POFUT3: variants seen among roughly 807,000 people sequenced by gnomAD.
POFUT3 encodes GDP-fucose protein O-fucosyltransferase 3.
the POFUT3 span, among the ~76,000 whole-genome samples, chr8:33,333,335 G>A: frequency 6.6e-6 from 1 of 152,206 alleles, no homozygotes; most frequent in African/African-American, 2.4e-5. Context: ...AAGGAGGTCA[G>A]ACCATGTAGT....
the POFUT3 span, among the ~76,000 whole-genome samples, chr8:33,386,188 CAAAAA>C: frequency 0.015 from 477 of 32,030 alleles, 2 homozygotes; most frequent in African/African-American, 0.035. Context: ...GGCTCCATCT[CAAAAA>C]AAAAAAAAAA....
chr8:33,437,099 G>A, the POFUT3 span, among the ~76,000 whole-genome samples: 3 of 152,144 alleles, frequency 2.0e-5, no homozygotes, highest in Non-Finnish European at 4.4e-5. Flanking sequence ...ACATGATTTT[G>A]CTATTTTTTA....
the POFUT3 span, chr8:33,371,535 G>A: frequency 6.6e-6 from 1 of 152,210 alleles, no homozygotes; most frequent in Non-Finnish European, 1.5e-5. Context: ...TGACACAACA[G>A]TGGCAACAGG....
At chr8:33,316,500 C>T in the POFUT3 span, among the ~76,000 whole-genome samples, 1 of 151,484 alleles carries the variant, frequency 6.6e-6, no homozygotes, top group African/African-American at 2.4e-5. Context: ...GCAGGTGGAT[C>T]ACCTGAGGTC....
the POFUT3 span, among the ~76,000 whole-genome samples, chr8:33,439,823 C>T: frequency 9.2e-5 from 14 of 151,448 alleles, no homozygotes; most frequent in African/African-American, 3.2e-4. Flanking sequence ...GCCAAGATCG[C>T]GCCACTGCAT....
chr8:33,456,926 G>A, the POFUT3 span, among the ~76,000 whole-genome samples: 2 of 151,586 alleles, frequency 1.3e-5, no homozygotes, highest in South Asian at 2.1e-4. Flanking sequence ...GCACCACCAC[G>A]CCCAGATAAT....
the POFUT3 span, among the ~76,000 whole-genome samples, chr8:33,316,975 C>T: frequency 0.43 from 65,238 of 151,640 alleles, 15,782 homozygotes; most frequent in East Asian, 0.8. Flanking sequence ...TTCAATGTCC[C>T]CCACCTGAGA....
At chr8:33,452,056 C>T in the POFUT3 span, 4 of 150,488 alleles carry the variant, frequency 2.7e-5, no homozygotes, top group Non-Finnish European at 4.4e-5. Flanking sequence ...TCAGTATATA[C>T]GTGTGTATAT....
the POFUT3 span, among the ~76,000 whole-genome samples, chr8:33,309,674 G>T: frequency 4.6e-5 from 7 of 152,042 alleles, no homozygotes; most frequent in South Asian, 2.1e-4. Context: ...ATCATCAATT[G>T]TTCCCAGGCG....
chr8:33,354,058 T>C, the POFUT3 span, among the ~76,000 whole-genome samples: 1 of 152,184 alleles, frequency 6.6e-6, no homozygotes, highest in Non-Finnish European at 1.5e-5. Flanking sequence ...TACTTGTTAT[T>C]GTCATCCCCC....
chr8:33,352,778 C>G, the POFUT3 span, among the ~76,000 whole-genome samples: 3 of 152,200 alleles, frequency 2.0e-5, no homozygotes, highest in Non-Finnish European at 4.4e-5. Context: ...CTTTGAATGT[C>G]GGGACTTGGC....
chr8:33,412,515 T>C, the POFUT3 span, among the ~76,000 whole-genome samples: 3 of 152,238 alleles, frequency 2.0e-5, no homozygotes, highest in Admixed American at 1.3e-4. Flanking sequence ...GCCCTGTGTC[T>C]GAGTAGATCC....
the POFUT3 span, among the ~76,000 whole-genome samples, chr8:33,356,839 A>G: frequency 1.3e-5 from 2 of 152,036 alleles, no homozygotes; most frequent in African/African-American, 4.8e-5. Flanking sequence ...ATCTTGAATT[A>G]ATTTTTGTAT....
At chr8:33,395,251 C>T in the POFUT3 span, among the ~76,000 whole-genome samples, 1 of 152,116 alleles carries the variant, frequency 6.6e-6, no homozygotes, top group East Asian at 1.9e-4. Context: ...CCAAATGTTG[C>T]CTTTTGGCCT....
At chr8:33,393,353 G>A in the POFUT3 span, among the ~76,000 whole-genome samples, 1 of 152,234 alleles carries the variant, frequency 6.6e-6, no homozygotes, top group East Asian at 1.9e-4. Flanking sequence ...TCTGACAAAC[G>A]TATTCGTTCC....
the POFUT3 span, among the ~76,000 whole-genome samples, chr8:33,350,689 T>C: frequency 6.6e-6 from 1 of 152,114 alleles, no homozygotes; most frequent in African/African-American, 2.4e-5. Context: ...CTAAGTCAAG[T>C]TTCCCAGTGG....
At chr8:33,413,555 T>C in the POFUT3 span, among the ~76,000 whole-genome samples, 2 of 152,144 alleles carry the variant, frequency 1.3e-5, no homozygotes, top group Non-Finnish European at 2.9e-5. Context: ...GAGTAACTTG[T>C]TATAGCAGCC....
At chr8:33,315,527 C>A in the POFUT3 span, among the ~76,000 whole-genome samples, 490 of 152,056 alleles carry the variant, frequency 3.2e-3, 2 homozygotes, top group African/African-American at 0.011. Flanking sequence ...CTGTGACGGT[C>A]GTGAAGAGGG....
chr8:33,390,649 A>C, the POFUT3 span, among the ~76,000 whole-genome samples: 1 of 152,096 alleles, frequency 6.6e-6, no homozygotes, highest in African/African-American at 2.4e-5. Flanking sequence ...AGCAAAGTGC[A>C]GTTAATCAAT....
Sources: gnomAD v4.1 joint callset for allele counts (sites outside exome capture counted in the v4.1 genomes callset) on GRCh38, gnomAD v4.1.1 for gene constraint, MANE v1.5 for transcripts, NCBI Gene and HGNC (gene_info 2026-07-23, HGNC 2026-07-21) for gene names.